Variants in CFAP299 observed in about 807,000 individuals in gnomAD.
CFAP299 encodes cilia- and flagella-associated protein 299.
CFAP299 carries 21 observed loss-of-function variants against 27.0 expected under a neutral mutation model. The observed-to-expected ratio is 0.78, with a 90% CI of 0.55 to 1.12. The LOEUF (loss-of-function observed/expected upper bound fraction) is 1.12. CFAP299 is among the 50% of genes most tolerant of loss of function. CFAP299 has a pLI of 0.00. For synonymous variants in CFAP299, 104 were observed against 98.1 expected, an observed-to-expected ratio of 1.06 and a Z score of -0.36; for missense variants, 310 against 276.6, an observed-to-expected ratio of 1.12 and a Z score of -0.86.
intron 3 of CFAP299, among the ~76,000 whole-genome samples, chr4:80,859,778 C>T (rs531383016): frequency 2.0e-5 from 3 of 152,216 alleles, no homozygotes; most frequent in South Asian, 2.1e-4. Flanking sequence ...CTGAGAAATC[C>T]GCTTGTTAGT....
At chr4:80,588,448 C>A (rs1032085003) in intron 3 of CFAP299, among the ~76,000 whole-genome samples, 1 of 150,876 alleles carries the variant, frequency 6.6e-6, no homozygotes, top group East Asian at 1.9e-4. Flanking sequence ...GTAAGCAAAA[C>A]ATAATTTTAT....
At chr4:80,390,460 A>G in intron 2 of CFAP299, among the ~76,000 whole-genome samples, 1 of 150,538 alleles carries the variant, frequency 6.6e-6, no homozygotes, top group East Asian at 1.9e-4. Context: ...CTTCATTTTA[A>G]AGACTGAGCA....
At chr4:80,376,150 A>G (rs1171860501) in intron 2 of CFAP299, among the ~76,000 whole-genome samples, 2 of 152,052 alleles carry the variant, frequency 1.3e-5, no homozygotes, top group Non-Finnish European at 2.9e-5. Context: ...TTTTTTTTAG[A>G]ATGTCATATG....
At chr4:80,784,043 C>T (rs1408637175) in intron 3 of CFAP299, among the ~76,000 whole-genome samples, 1 of 152,052 alleles carries the variant, frequency 6.6e-6, no homozygotes, top group Non-Finnish European at 1.5e-5. Flanking sequence ...CCTTCAGGTT[C>T]GTCCCTGTTG....
intron 3 of CFAP299, among the ~76,000 whole-genome samples, chr4:80,792,224 A>G (rs754881741): frequency 3.4e-4 from 52 of 152,096 alleles, no homozygotes; most frequent in Non-Finnish European, 6.2e-4. Flanking sequence ...ATATTTGATA[A>G]AGACAATAAT....
At chr4:80,527,895 G>A (rs1374684206) in intron 2 of CFAP299, among the ~76,000 whole-genome samples, 1 of 152,102 alleles carries the variant, frequency 6.6e-6, no homozygotes, top group Non-Finnish European at 1.5e-5. Context: ...TGAAGGGAAT[G>A]ACTGATATTT....
At chr4:80,486,941 C>T (rs766895562) in intron 2 of CFAP299, among the ~76,000 whole-genome samples, 2 of 152,184 alleles carry the variant, frequency 1.3e-5, no homozygotes, top group African/African-American at 2.4e-5. Context: ...CAGTAATGCA[C>T]AGTAGTGTGG....
chr4:80,414,064 CTTTTTTTTTTTTTTT>C (rs1170153950), intron 2 of CFAP299, among the ~76,000 whole-genome samples: 1 of 62,452 alleles, frequency 1.6e-5, no homozygotes, highest in Non-Finnish European at 3.2e-5. Context: ...ATGGGTATTT[CTTTTTTTTTTTTTTT>C]TTTTTTTTTG....
intron 2 of CFAP299, among the ~76,000 whole-genome samples, chr4:80,482,506 G>A (rs1198981750): frequency 2.0e-5 from 3 of 152,044 alleles, no homozygotes; most frequent in African/African-American, 7.2e-5. Context: ...TTTAGAAATT[G>A]TTCAAGTTAC....
At chr4:80,364,356 C>T (rs1723711383) in intron 2 of CFAP299, among the ~76,000 whole-genome samples, 2 of 152,104 alleles carry the variant, frequency 1.3e-5, no homozygotes, top group South Asian at 4.2e-4. Context: ...AGAAGCTGTT[C>T]ATGTTTCTTT....
At chr4:80,690,721 C>CA (rs1487469233) in intron 3 of CFAP299, among the ~76,000 whole-genome samples, 13 of 151,702 alleles carry the variant, frequency 8.6e-5, no homozygotes, top group African/African-American at 2.9e-4. Flanking sequence ...AATAGAGACA[C>CA]AAAAAACCCT....
At chr4:80,944,034 C>G (rs1436898414) in intron 4 of CFAP299, among the ~76,000 whole-genome samples, 1 of 151,344 alleles carries the variant, frequency 6.6e-6, no homozygotes, top group Non-Finnish European at 1.5e-5. Context: ...CCACTGCACT[C>G]CAGCCTGGAG....
chr4:80,425,826 G>C lies in CFAP299; in HGVS notation c.242+62942G>C, dbSNP rs548745507. Reference sequence around the variant, plus strand: ...GCCAATTAAGCCACCGAACAGCTTAGGGAGTGATTTTACACTGGGGAATGA... The same window carrying C: ...GCCAATTAAGCCACCGAACAGCTTACGGAGTGATTTTACACTGGGGAATGA... On this transcript the variant is annotated intron_variant, in intron 2 of 5. Transcript: ENST00000358105. Among the ~76,000 whole-genome samples, 15 of 152,314 alleles carry C rather than the reference G, an allele frequency of 9.8e-5. No homozygotes were observed. The East Asian group carries it at 2.9e-3, about 29-fold the overall frequency.
intron 3 of CFAP299, among the ~76,000 whole-genome samples, chr4:80,611,400 C>T (rs978832351): frequency 1.3e-5 from 2 of 152,026 alleles, no homozygotes; most frequent in African/African-American, 2.4e-5. Context: ...TCAATAACTA[C>T]ATTAAACTTA....
chr4:80,385,336 T>C (rs1030145165), intron 2 of CFAP299, among the ~76,000 whole-genome samples: 1 of 152,200 alleles, frequency 6.6e-6, no homozygotes, highest in Admixed American at 6.5e-5. Flanking sequence ...ATTTATTTTC[T>C]TTTGTTTTAT....
intron 3 of CFAP299, among the ~76,000 whole-genome samples, chr4:80,799,060 G>A (rs1022553570): frequency 1.4e-5 from 2 of 144,836 alleles, no homozygotes; most frequent in African/African-American, 5.1e-5. Flanking sequence ...TTAGTCAGGG[G>A]TTCTGTAAAG....
chr4:80,787,235 A>T (rs912265629), intron 3 of CFAP299, among the ~76,000 whole-genome samples: 2 of 147,798 alleles, frequency 1.4e-5, no homozygotes, highest in Non-Finnish European at 3.0e-5. Flanking sequence ...TATAAAACAT[A>T]ATATATATAT....
At chr4:80,475,535 A>G (rs1436507214) in intron 2 of CFAP299, among the ~76,000 whole-genome samples, 1 of 152,220 alleles carries the variant, frequency 6.6e-6, no homozygotes, top group Non-Finnish European at 1.5e-5. Flanking sequence ...TTGTAGTGTC[A>G]TTAACTGACA....
At chr4:80,653,632 T>C (rs1171322451) in intron 3 of CFAP299, among the ~76,000 whole-genome samples, 1 of 152,150 alleles carries the variant, frequency 6.6e-6, no homozygotes, top group Non-Finnish European at 1.5e-5. Context: ...AGCACTTCCA[T>C]TTATATTCGT....
Sources: gnomAD v4.1 joint callset for allele counts (sites outside exome capture counted in the v4.1 genomes callset) on GRCh38, gnomAD v4.1.1 for gene constraint, MANE v1.5 for transcripts, NCBI Gene and HGNC (gene_info 2026-07-23, HGNC 2026-07-21) for gene names.